MAP7: variants seen among roughly 807,000 people sequenced by gnomAD.
MAP7 encodes the protein ensconsin.
Under a neutral mutation model 94.8 loss-of-function variants are expected in MAP7, and 52 were observed. That is an observed-to-expected ratio of 0.55 (90% CI 0.44 to 0.69). The LOEUF is 0.69. Ranked by LOEUF, MAP7 falls within the 30% of genes least tolerant of loss-of-function variation. MAP7 has a pLI of 0.00. For missense variants in MAP7, 940 were observed against 964.6 expected (o/e 0.97, Z 0.34); for synonymous variants, 350 against 357.0 (o/e 0.98, Z 0.22).
chr6:136,464,263 A>T (rs1806207048), intron 1 of MAP7, among the ~76,000 whole-genome samples: 1 of 152,198 alleles, frequency 6.6e-6, no homozygotes. Context: ...CAAAAGTTAG[A>T]ACAAACCAGT....
intron 1 of MAP7, among the ~76,000 whole-genome samples, chr6:136,471,437 T>G (rs966031330): frequency 3.3e-5 from 5 of 152,226 alleles, no homozygotes; most frequent in African/African-American, 1.2e-4. Context: ...ATTTACAATC[T>G]AATCTGGCAC....
Position 136,366,450 on chromosome 6 carries a change from A to G in MAP7, c.877-11T>C, listed in dbSNP as rs751668419. Reference sequence around the variant, plus strand: ...TTCTTTTTTATAGCTCTAAGTTCAGAGAAACTCAATAGTTAGATTTTTCCA... The same window carrying G: ...TTCTTTTTTATAGCTCTAAGTTCAGGGAAACTCAATAGTTAGATTTTTCCA... On this transcript the variant is annotated splice_polypyrimidine_tract_variant and intron_variant, in intron 8 of 17. Transcript: ENST00000354570. The G allele has an allele frequency of 3.8e-6, 6 of 1,568,932 alleles. No individual in the cohort carries two copies. The highest frequency in any genetic ancestry group is 5.3e-6 in the Non-Finnish European group (6 of 1,139,132).
At chr6:136,457,308 TAAA>T (rs561280865) in intron 1 of MAP7, among the ~76,000 whole-genome samples, 1 of 139,804 alleles carries the variant, frequency 7.2e-6, no homozygotes. Flanking sequence ...AATCAGGAAT[TAAA>T]AAAAAAAAAA....
chr6:136,470,647 C>T (rs1039824269), intron 1 of MAP7, among the ~76,000 whole-genome samples: 2 of 152,090 alleles, frequency 1.3e-5, no homozygotes, highest in Non-Finnish European at 2.9e-5. Context: ...TTGCTTTCAA[C>T]AAAGCTTTAT....
intron 1 of MAP7, among the ~76,000 whole-genome samples, chr6:136,491,481 C>G (rs983898045): frequency 2.6e-5 from 4 of 152,092 alleles, no homozygotes; most frequent in Admixed American, 2.0e-4. Context: ...TGGCATCACC[C>G]GGTTTATCAT....
intron 8 of MAP7, 55 bp from the exon 9 acceptor site, chr6:136,366,494 T>G: frequency 8.6e-7 from 1 of 1,163,106 alleles, no homozygotes; most frequent in Non-Finnish European, 1.3e-6. Flanking sequence ...GCAAACACAC[T>G]CACAATACTC....
chr6:136,463,016 C>T (rs79025660), intron 1 of MAP7, among the ~76,000 whole-genome samples: 2,396 of 150,232 alleles, frequency 0.016, 84 homozygotes, highest in East Asian at 0.13. Context: ...TTTCAAAGAC[C>T]ACCTATTCTA....
chr6:136,494,810 ACT>A (rs1252177655), intron 1 of MAP7, among the ~76,000 whole-genome samples: 1 of 152,218 alleles, frequency 6.6e-6, no homozygotes, highest in African/African-American at 2.4e-5. Context: ...ACAATTTCAC[ACT>A]GTGTCAAATC....
intron 1 of MAP7, chr6:136,525,706 G>C: frequency 1.0e-6 from 1 of 983,470 alleles, no homozygotes; most frequent in Non-Finnish European, 1.4e-6. Flanking sequence ...CCAGCAAACC[G>C]TGCTAGGAGG....
At position 136,484,849 on chromosome 6, in the gene MAP7, G is replaced by A. The variant is rs916077414; in HGVS notation, c.68-63050C>T. 5.3e-5 allele frequency among the ~76,000 whole-genome samples: 8 copies of A among 152,032 alleles called. 1 individual carries two copies. Among genetic ancestry groups the A allele is most frequent in the African/African-American group, 1.7e-4 (7 of 41,376 alleles). ...CAGTTAGGATTACAGACAAGTACCAGGCTAGGTTAATTTTTATCTTTTTTT... is the reference window on the plus strand; with the variant it reads ...CAGTTAGGATTACAGACAAGTACCAAGCTAGGTTAATTTTTATCTTTTTTT... On this transcript the variant is annotated intron_variant, in intron 1 of 17. Coordinates refer to ENST00000354570, the MANE Select transcript of MAP7 (RefSeq NM_003980.6).
intron 16 of MAP7, among the ~76,000 whole-genome samples, chr6:136,350,022 A>G (rs765343082): frequency 5.3e-5 from 8 of 152,194 alleles, no homozygotes; most frequent in Non-Finnish European, 1.0e-4. Flanking sequence ...TCATTTATTT[A>G]CGAATATATT....
At chr6:136,469,675 TGCTCCTG>T (rs1354021556) in intron 1 of MAP7, among the ~76,000 whole-genome samples, 3 of 152,188 alleles carry the variant, frequency 2.0e-5, no homozygotes, top group African/African-American at 7.2e-5. Context: ...CATGAGCCAC[TGCTCCTG>T]GCTTGGTTTC....
At chr6:136,490,625 TGG>T (rs1816278880) in intron 1 of MAP7, among the ~76,000 whole-genome samples, 1 of 152,198 alleles carries the variant, frequency 6.6e-6, no homozygotes, top group Non-Finnish European at 1.5e-5. Flanking sequence ...AAAGCAAAAA[TGG>T]GATCCCTCAG....
intron 1 of MAP7, among the ~76,000 whole-genome samples, chr6:136,533,127 C>A (rs537536712): frequency 3.9e-5 from 6 of 152,254 alleles, no homozygotes; most frequent in African/African-American, 1.4e-4. Context: ...ACAAAATTAG[C>A]CGGGCATGGT....
intron 1 of MAP7, among the ~76,000 whole-genome samples, chr6:136,547,184 A>G (rs1190878906): frequency 6.6e-6 from 1 of 152,266 alleles, no homozygotes; most frequent in Non-Finnish European, 1.5e-5. Flanking sequence ...TGGTCACGAA[A>G]GAGGCCATGT....
chr6:136,485,079 T>C (rs1426033046), intron 1 of MAP7, among the ~76,000 whole-genome samples: 2 of 152,206 alleles, frequency 1.3e-5, no homozygotes, highest in African/African-American at 2.4e-5. Context: ...GCTCAGGATT[T>C]ACCAAGAGTG....
At position 136,362,664 on chromosome 6, in the gene MAP7, C is replaced by G; in HGVS notation, c.1312G>C (p.Ala438Pro). The G allele has an allele frequency of 6.2e-7, 1 of 1,608,030 alleles. No homozygotes were observed. Among genetic ancestry groups the G allele is most frequent in the Non-Finnish European group, 8.5e-7 (1 of 1,177,602 alleles). The part of the protein sequence containing the change: ...AMAPAPASAP[A>P]PASAPAPAPV... ...GCTGGAGCTGGGGCCGAGGCTGGAG[C>G]TGGGGCCGAGGCTGGAGCTGGGGCC... The change falls in exon 11 of 18, where the codon GCT (alanine) becomes CCT (proline). Residue 438 changes from alanine (A) to proline (P), a missense_variant. Ala to Pro is a conservative substitution (Grantham distance 27). Coordinates refer to ENST00000354570, the MANE Select transcript of MAP7 (RefSeq NM_003980.6).
chr6:136,524,476 G>C (rs1402959663), intron 1 of MAP7, among the ~76,000 whole-genome samples: 2 of 152,140 alleles, frequency 1.3e-5, no homozygotes, highest in Admixed American at 6.5e-5. Context: ...AACACACTCT[G>C]GTTCAATGAT....
chr6:136,521,150 A>G (rs929619881), intron 1 of MAP7, among the ~76,000 whole-genome samples: 6 of 152,106 alleles, frequency 3.9e-5, no homozygotes, highest in East Asian at 1.9e-4. Flanking sequence ...GTGTCTTCCA[A>G]TTTTTCAAGG....
Sources: gnomAD v4.1 joint callset for allele counts (sites outside exome capture counted in the v4.1 genomes callset) on GRCh38, gnomAD v4.1.1 for gene constraint, MANE v1.5 for transcripts, NCBI Gene and HGNC (gene_info 2026-07-23, HGNC 2026-07-21) for gene names.